The following RNF175 variants were observed in gnomAD, a reference collection of about 807,000 sequenced individuals.
The protein encoded by RNF175 is ring finger protein 175.
In RNF175, 38 loss-of-function variants were observed where a neutral mutation model predicts 50.0. The ratio of observed to expected loss-of-function variants is 0.76; its 90% CI spans 0.59 to 1.00. The LOEUF is 1.00. Among genes scored for constraint, RNF175 ranks in the 50% least tolerant of loss-of-function variants. RNF175 has a pLI of 0.00. For synonymous variants in RNF175, 155 were observed against 146.1 expected (o/e 1.06, Z -0.44); for missense variants, 388 against 409.6 (o/e 0.95, Z 0.46).
At chr4:153,759,254 G>A (rs933810458) in intron 1 of RNF175, among the ~76,000 whole-genome samples, 1 of 152,176 alleles carries the variant, frequency 6.6e-6, no homozygotes, top group Admixed American at 6.5e-5. Context: ...TGACGATCAG[G>A]GTACACATCT....
At chr4:153,717,142 T>C (rs1428135802) in intron 6 of RNF175, among the ~76,000 whole-genome samples, 2 of 152,250 alleles carry the variant, frequency 1.3e-5, no homozygotes, top group Non-Finnish European at 1.5e-5. Flanking sequence ...TGGATATTTA[T>C]GCTTTGGGTT....
intron 3 of RNF175, chr4:153,748,319 C>T (rs11099900): frequency 0.26 from 54,476 of 211,406 alleles, 8,716 homozygotes; most frequent in East Asian, 0.8. Flanking sequence ...AGTCTTGGCA[C>T]CATTGACATT....
At chr4:153,722,504 C>A (rs942560093) in intron 5 of RNF175, among the ~76,000 whole-genome samples, 8 of 151,964 alleles carry the variant, frequency 5.3e-5, no homozygotes, top group African/African-American at 1.9e-4. Context: ...GAGGTCTGGC[C>A]ATGTTGACCA....
intron 5 of RNF175, among the ~76,000 whole-genome samples, chr4:153,722,077 T>G (rs2127106869): frequency 6.6e-6 from 1 of 152,332 alleles, no homozygotes; most frequent in Non-Finnish European, 1.5e-5. Flanking sequence ...TGAGCTCTCC[T>G]TTTCAATTTC....
chr4:153,719,948 C>G (rs1738226751), intron 6 of RNF175, among the ~76,000 whole-genome samples: 1 of 152,128 alleles, frequency 6.6e-6, no homozygotes, highest in Admixed American at 6.5e-5. Flanking sequence ...TGCCTTATTG[C>G]ACAAGTATTC....
At chr4:153,713,917 C>T (rs544920798) in intron 7 of RNF175, 1 of 152,318 alleles carries the variant, frequency 6.6e-6, no homozygotes. Context: ...TGTTCTTTTT[C>T]ATTTTCAAAA....
In RNF175 at chr4:153,710,256, GTTTAC is replaced by G. The variant is rs1414536198; in HGVS notation, c.*108_*112del. The G allele has an allele frequency of 1.6e-5, 13 of 792,092 alleles. No homozygotes were observed. Among genetic ancestry groups the G allele is most frequent in the Non-Finnish European group, 2.4e-5 (13 of 535,932 alleles). 49.1% of individuals were successfully genotyped at this position (792,092 alleles called of 1,614,324 possible). On this transcript the variant is annotated 3_prime_UTR_variant, in exon 9 of 9. Coordinates refer to ENST00000347063, the MANE Select transcript of RNF175 (RefSeq NM_173662.4). ...CATGGACAAATTGCTTGACAACAAA[GTTTAC>G]TTAGTTTTCTAAACACTTGGGATCA...
At position 153,723,195 on chromosome 4, in the gene RNF175, G is replaced by A. The variant is rs558681541; in HGVS notation, c.509+156C>T. ...GTGCTTCTTTCTTCCCTTTCTATTG[G>A]TTTTCCCCAGAGAAGACTACGTGTG... On this transcript the variant is annotated intron_variant, in intron 5 of 8. Transcript: ENST00000347063. 3.2e-5 allele frequency: 14 copies of A among 440,974 alleles called. No homozygotes were observed. The South Asian group carries it at 6.0e-4, about 19-fold the overall frequency. 27.3% of individuals were successfully genotyped at this position (440,974 alleles called of 1,614,324 possible).
chr4:153,752,517 T>C (rs6849882), intron 1 of RNF175, among the ~76,000 whole-genome samples: 73,158 of 152,042 alleles, frequency 0.48, 17,942 homozygotes, highest in Admixed American at 0.52. Context: ...CCTAAACTTA[T>C]ACTTTTCTAT....
At chr4:153,727,553 C>G (rs1738770223) in intron 4 of RNF175, 1 of 152,170 alleles carries the variant, frequency 6.6e-6, no homozygotes, top group African/African-American at 2.4e-5. Flanking sequence ...TGTTTTATCA[C>G]TATTTTACAT....
chr4:153,725,044 C>T (rs1181397837), intron 4 of RNF175, among the ~76,000 whole-genome samples: 4 of 45,154 alleles, frequency 8.9e-5, no homozygotes, highest in East Asian at 1.3e-3. Context: ...GGGTAGGCTG[C>T]GTGGGGGAGC....
intron 5 of RNF175, 31 bp downstream of exon 5, chr4:153,723,320 A>C: frequency 9.4e-7 from 1 of 1,063,836 alleles, no homozygotes; most frequent in Non-Finnish European, 1.5e-6. Flanking sequence ...AAGTGCTTGG[A>C]GATATTAATG....
At chr4:153,738,036 T>C (rs1204122544) in intron 3 of RNF175, among the ~76,000 whole-genome samples, 16 of 152,180 alleles carry the variant, frequency 1.1e-4, no homozygotes, top group African/African-American at 3.6e-4. Flanking sequence ...CCCTTTATCA[T>C]TATGTAATGC....
intron 3 of RNF175, among the ~76,000 whole-genome samples, chr4:153,744,741 ACTTTT>A (rs1186698034): frequency 6.6e-6 from 1 of 152,188 alleles, no homozygotes; most frequent in Non-Finnish European, 1.5e-5. Context: ...TGTTTAAAGA[ACTTTT>A]CTTTGATATG....
Position 153,720,260 on chromosome 4 carries a change from A to G in RNF175, c.554T>C (p.Phe185Ser). ...DSMDFGIVSL[F>S]YGLYYGVMGR... ...CATTACTCCATAGTAGAGGCCGTAG[A>G]ACAAAGACACAATGCCAAAATCCAT... The change falls in exon 6 of 9, where the codon TTC becomes TCC. Residue 185 changes from phenylalanine (F) to serine (S), a missense_variant. Transcript: ENST00000347063. 6.2e-7 allele frequency: 1 copy of G among 1,613,478 alleles called. No individual in the cohort carries two copies. Among genetic ancestry groups the G allele is most frequent in the Middle Eastern group, 1.6e-4 (1 of 6,062 alleles).
intron 4 of RNF175, among the ~76,000 whole-genome samples, chr4:153,724,339 G>A (rs939092242): frequency 1.3e-5 from 2 of 152,240 alleles, no homozygotes; most frequent in African/African-American, 2.4e-5. Flanking sequence ...GAGGGGCTAT[G>A]CCCATTGGTA....
At position 153,724,599 on chromosome 4, in the gene RNF175, C is replaced by T. The variant is rs966369372; in HGVS notation, c.402-1141G>A. Reference sequence around the variant, plus strand: ...CTGAGCCCTGTCTCTGACTCTTTCACCTTCCCCAGCTCACTCCCTGTTGGA... The same window carrying T: ...CTGAGCCCTGTCTCTGACTCTTTCATCTTCCCCAGCTCACTCCCTGTTGGA... On this transcript the variant is annotated intron_variant, in intron 4 of 8. Transcript: ENST00000347063. Among the ~76,000 whole-genome samples the T allele has an allele frequency of 2.0e-5, 3 of 152,254 alleles. No homozygotes were observed. The Middle Eastern group carries it at 0.01, about 518-fold the overall frequency.
intron 1 of RNF175, among the ~76,000 whole-genome samples, chr4:153,757,698 G>C (rs1043205051): frequency 6.6e-6 from 1 of 151,834 alleles, no homozygotes; most frequent in Admixed American, 6.6e-5. Context: ...GGAGAAATCC[G>C]AGCCTGGAAA....
chr4:153,749,475 G>A (rs1223695372), intron 2 of RNF175, among the ~76,000 whole-genome samples: 7 of 152,186 alleles, frequency 4.6e-5, no homozygotes, highest in Non-Finnish European at 5.9e-5. Context: ...TTCTGAATGA[G>A]TTGTATAAAT....
Sources: gnomAD v4.1 joint callset for allele counts (sites outside exome capture counted in the v4.1 genomes callset) on GRCh38, gnomAD v4.1.1 for gene constraint, MANE v1.5 for transcripts, NCBI Gene and HGNC (gene_info 2026-07-23, HGNC 2026-07-21) for gene names.